DLGAP1: variants seen among roughly 807,000 people sequenced by gnomAD.
DLGAP1 encodes disks large-associated protein 1.
DLGAP1 carries 11 observed loss-of-function variants against 90.8 expected under a neutral mutation model. The ratio of observed to expected loss-of-function variants is 0.12; its 90% CI spans 0.08 to 0.20. The LOEUF (loss-of-function observed/expected upper bound fraction) is 0.20, where lower values mean the gene tolerates loss of function less well. Ranked by LOEUF, DLGAP1 falls within the 10% of genes least tolerant of loss-of-function variation. The pLI is 1.00. For missense variants in DLGAP1, 1,050 were observed against 1,333.8 expected (o/e 0.79, Z 3.31); for synonymous variants, 558 against 540.7 (o/e 1.03, Z -0.44).
chr18:3,693,422 T>C (rs2060968378), intron 7 of DLGAP1, among the ~76,000 whole-genome samples: 1 of 152,226 alleles, frequency 6.6e-6, no homozygotes, highest in South Asian at 2.1e-4. Flanking sequence ...AACATTTGAT[T>C]TTCTCCTTCC....
intron 7 of DLGAP1, chr18:3,596,684 G>C: frequency 2.5e-6 from 1 of 397,548 alleles, no homozygotes; most frequent in South Asian, 1.8e-5. Flanking sequence ...CGGTACTAGT[G>C]TGATAAATGC....
At chr18:3,543,628 A>T (rs1350198896) in intron 9 of DLGAP1, among the ~76,000 whole-genome samples, 1 of 152,248 alleles carries the variant, frequency 6.6e-6, no homozygotes, top group African/African-American at 2.4e-5. Flanking sequence ...TTACTATATT[A>T]TCTGAAACAA....
intron 7 of DLGAP1, among the ~76,000 whole-genome samples, chr18:3,715,366 G>A (rs1159584850): frequency 6.6e-6 from 1 of 152,228 alleles, no homozygotes; most frequent in Non-Finnish European, 1.5e-5. Flanking sequence ...AATGTCACCA[G>A]CTAACTCAGT....
At chr18:4,021,591 C>G (rs2074610092) in intron 2 of DLGAP1, among the ~76,000 whole-genome samples, 1 of 152,000 alleles carries the variant, frequency 6.6e-6, no homozygotes, top group African/African-American at 2.4e-5. Context: ...CTTTTCTTTT[C>G]TTTTTCTTTC....
intron 3 of DLGAP1, among the ~76,000 whole-genome samples, chr18:3,951,936 C>T (rs2072994264): frequency 6.6e-6 from 1 of 152,108 alleles, no homozygotes; most frequent in South Asian, 2.1e-4. Flanking sequence ...CGGGTAGTAT[C>T]TTTATAGCAG....
chr18:3,953,231 T>C (rs1175286684), intron 3 of DLGAP1, among the ~76,000 whole-genome samples: 2 of 152,194 alleles, frequency 1.3e-5, no homozygotes, highest in Non-Finnish European at 2.9e-5. Flanking sequence ...GTTTCTTACA[T>C]GCATATATTG....
intron 5 of DLGAP1, among the ~76,000 whole-genome samples, chr18:3,750,940 C>T (rs2063471833): frequency 6.6e-6 from 1 of 152,168 alleles, no homozygotes; most frequent in Non-Finnish European, 1.5e-5. Flanking sequence ...TTGTTCTTCC[C>T]AGACTAAAGT....
At chr18:3,855,598 A>T (rs929360106) in intron 4 of DLGAP1, among the ~76,000 whole-genome samples, 5 of 152,170 alleles carry the variant, frequency 3.3e-5, no homozygotes, top group East Asian at 1.9e-4. Context: ...GGTAGATTTT[A>T]AAAAATTAAT....
intron 2 of DLGAP1, among the ~76,000 whole-genome samples, chr18:4,059,388 CA>C (rs200527161): frequency 3.3e-5 from 5 of 151,260 alleles, no homozygotes; most frequent in African/African-American, 7.3e-5. Flanking sequence ...AACCTTAAAA[CA>C]AAAAAAAACT....
intron 1 of DLGAP1, among the ~76,000 whole-genome samples, chr18:4,196,473 T>C (rs2077499916): frequency 1.3e-5 from 2 of 152,254 alleles, no homozygotes. Flanking sequence ...CACTGCTTAC[T>C]ACATGAGCAG....
Position 4,081,318 on chromosome 18 carries a change from G to GAAA in DLGAP1, c.-159+69859_-159+69861dup, listed in dbSNP as rs1283723769. On this transcript the variant is annotated intron_variant, in intron 2 of 12. Coordinates refer to ENST00000315677, the MANE Select transcript of DLGAP1 (RefSeq NM_004746.4). The stretch of plus-strand genomic sequence containing the variant: ...CAAAAGGAGTGAAACTCCGTCTCAG[G>GAAA]AAAAAAAAAAAAAAGTAATCTGCCT... Among the ~76,000 whole-genome samples, 180 of 140,366 alleles carry GAAA rather than the reference G, an allele frequency of 1.3e-3. 1 individual carries two copies. Among genetic ancestry groups the GAAA allele is most frequent in the African/African-American group, 4.1e-3 (158 of 38,266 alleles). The allele number at this position is 140,366 out of a possible 152,430, so 92.1% of individuals were successfully genotyped here.
chr18:4,435,592 C>T (rs2083382552), intron 1 of DLGAP1, among the ~76,000 whole-genome samples: 1 of 152,178 alleles, frequency 6.6e-6, no homozygotes, highest in African/African-American at 2.4e-5. Context: ...AGGGAGGGCA[C>T]TGATGTAAAA....
chr18:3,639,399 A>AAGAAG (rs1414522058), intron 7 of DLGAP1, among the ~76,000 whole-genome samples: 1 of 150,920 alleles, frequency 6.6e-6, no homozygotes, highest in East Asian at 1.9e-4. Context: ...AAGAAAAGAA[A>AAGAAG]AGAAAAATCC....
At chr18:3,725,741 A>G (rs1244230870) in intron 7 of DLGAP1, among the ~76,000 whole-genome samples, 1 of 152,218 alleles carries the variant, frequency 6.6e-6, no homozygotes, top group Non-Finnish European at 1.5e-5. Context: ...CAAGAAGTCA[A>G]TAAGCCCAAG....
intron 1 of DLGAP1, among the ~76,000 whole-genome samples, chr18:4,361,557 G>A (rs76172620): frequency 0.035 from 5,250 of 152,170 alleles, 151 homozygotes; most frequent in African/African-American, 0.076. Context: ...CCACAAACAA[G>A]AAAATGAAAG....
intron 3 of DLGAP1, among the ~76,000 whole-genome samples, chr18:3,965,211 T>G (rs2073297315): frequency 6.6e-6 from 1 of 152,152 alleles, no homozygotes; most frequent in African/African-American, 2.4e-5. Context: ...AGAATCACTG[T>G]CAAAATGTCA....
At chr18:3,708,516 A>G (rs562398968) in intron 7 of DLGAP1, 419 of 456,522 alleles carry the variant, frequency 9.2e-4, no homozygotes, top group Non-Finnish European at 1.6e-3. Context: ...AAAGGACAAT[A>G]CAAGTGTCTC....
At chr18:4,177,198 A>G (rs2077123690) in intron 1 of DLGAP1, among the ~76,000 whole-genome samples, 1 of 152,194 alleles carries the variant, frequency 6.6e-6, no homozygotes, top group South Asian at 2.1e-4. Flanking sequence ...ATTCTTCAGT[A>G]TATGCCCCTT....
At chr18:3,965,736 T>C (rs1362243295) in intron 3 of DLGAP1, among the ~76,000 whole-genome samples, 1 of 151,860 alleles carries the variant, frequency 6.6e-6, no homozygotes, top group African/African-American at 2.4e-5. Context: ...TTACCTGAGG[T>C]CAGGAGTTCG....
Sources: allele counts gnomAD v4.1 joint callset (sites outside exome capture counted in the v4.1 genomes callset), GRCh38; gene constraint gnomAD v4.1.1; transcripts MANE v1.5; gene names NCBI Gene and HGNC (gene_info 2026-07-23, HGNC 2026-07-21).